EDARADD: variants seen among roughly 807,000 people sequenced by gnomAD.
EDARADD encodes ectodysplasin-A receptor-associated adapter protein.
EDARADD carries 20 observed loss-of-function variants against 25.6 expected under a neutral mutation model. The ratio of observed to expected loss-of-function variants is 0.78; its 90% CI spans 0.55 to 1.14. The LOEUF is 1.14. Ranked by LOEUF, EDARADD falls within the 50% of genes most tolerant of loss-of-function variation. The pLI, the probability that EDARADD is intolerant of heterozygous loss-of-function variation, is 0.00. For synonymous variants in EDARADD, 86 were observed against 94.4 expected (o/e 0.91, Z 0.52); for missense variants, 225 against 270.1 (o/e 0.83, Z 1.17).
chr1:236,466,509 C>T (rs1659194307), intron 4 of EDARADD, among the ~76,000 whole-genome samples: 1 of 151,828 alleles, frequency 6.6e-6, no homozygotes, highest in Admixed American at 6.6e-5. Context: ...GAAGGTAAAA[C>T]TTCAACTAAA....
chr1:236,463,651 G>A (rs1037617600), intron 4 of EDARADD, among the ~76,000 whole-genome samples: 2 of 152,126 alleles, frequency 1.3e-5, no homozygotes, highest in Non-Finnish European at 2.9e-5. Context: ...GGTGTTGTGC[G>A]ACCGTCACCA....
intron 3 of EDARADD, among the ~76,000 whole-genome samples, chr1:236,388,558 C>T (rs960699204): frequency 6.6e-6 from 1 of 152,168 alleles, no homozygotes. Flanking sequence ...TTATGTTTTT[C>T]ACTAAAGCTT....
chr1:236,392,796 A>T (rs1667443063), upstream of EDARADD, among the ~76,000 whole-genome samples: 1 of 151,986 alleles, frequency 6.6e-6, no homozygotes, highest in Non-Finnish European at 1.5e-5. Flanking sequence ...CAGCCTCCCA[A>T]GTAGCTGGGA....
chr1:236,372,791 T>G (rs1667186663), intron 3 of EDARADD, among the ~76,000 whole-genome samples: 1 of 152,208 alleles, frequency 6.6e-6, no homozygotes, highest in Non-Finnish European at 1.5e-5. Context: ...TTTGGTATAG[T>G]ATTTATTTAA....
At chr1:236,352,902 C>T (rs954713637) in intron 3 of EDARADD, among the ~76,000 whole-genome samples, 10 of 151,276 alleles carry the variant, frequency 6.6e-5, no homozygotes, top group East Asian at 1.9e-4. Flanking sequence ...GCCAGCTACT[C>T]GGGAGGCTGA....
intron 5 of EDARADD, among the ~76,000 whole-genome samples, chr1:236,478,845 C>T (rs965696911): frequency 6.6e-6 from 1 of 152,192 alleles, no homozygotes; most frequent in Non-Finnish European, 1.5e-5. Context: ...CTCGGCCTCC[C>T]AAAGTGCTGG....
intron 4 of EDARADD, among the ~76,000 whole-genome samples, chr1:236,432,794 A>G (rs1338101720): frequency 6.6e-6 from 1 of 152,124 alleles, no homozygotes. Flanking sequence ...CTAAGGCAGG[A>G]GAATTGCTTG....
intron 3 of EDARADD, among the ~76,000 whole-genome samples, chr1:236,426,271 C>T (rs1657916805): frequency 6.6e-6 from 1 of 152,234 alleles, no homozygotes; most frequent in African/African-American, 2.4e-5. Context: ...AGCCACCACT[C>T]CTGGCTATCA....
intron 1 of EDARADD, among the ~76,000 whole-genome samples, chr1:236,406,426 T>C (rs1375176119): frequency 1.3e-5 from 2 of 152,154 alleles, no homozygotes; most frequent in East Asian, 1.9e-4. Flanking sequence ...GTGAGCGTCA[T>C]AGAGTTCACT....
Position 236,482,553 on chromosome 1 carries a change from G to C in EDARADD, c.552G>C (p.Arg184Ser), listed in dbSNP as rs1275511967. 7 of 1,613,774 alleles carry C rather than the reference G, an allele frequency of 4.3e-6. No individual in the cohort carries two copies. The highest frequency in any genetic ancestry group is 5.9e-6 in the Non-Finnish European group (7 of 1,179,904). ...TGGGCCAGCTGATGGAGCTCTGCAG[G>C]CTCTACCACAGGGCCGACGTGGAGA... ...RTVGQLMELC[R>S]LYHRADVEKV... Residue 184 changes from arginine to serine, a missense_variant, in exon 6 of 6, where the codon AGG becomes AGC. Physicochemically the swap from Arg to Ser is moderately radical, Grantham distance 110. Coordinates refer to ENST00000334232, the MANE Select transcript of EDARADD (RefSeq NM_145861.4).
intron 3 of EDARADD, among the ~76,000 whole-genome samples, chr1:236,377,281 G>A (rs566056971): frequency 7.4e-4 from 112 of 150,698 alleles, no homozygotes; most frequent in African/African-American, 2.3e-3. Context: ...TCAGCCCCCC[G>A]AGTAGTTGGG....
intron 5 of EDARADD, among the ~76,000 whole-genome samples, chr1:236,478,688 G>C (rs1229343312): frequency 6.6e-6 from 1 of 152,088 alleles, no homozygotes; most frequent in Non-Finnish European, 1.5e-5. Context: ...CCGAGTTGAC[G>C]CCATTCTCCT....
intron 3 of EDARADD, among the ~76,000 whole-genome samples, chr1:236,361,085 C>T (rs1409934675): frequency 6.6e-6 from 1 of 152,116 alleles, no homozygotes; most frequent in Admixed American, 6.5e-5. Context: ...ACAGTTGACA[C>T]ACAACAAAGT....
At chr1:236,348,921 G>T (rs909085874) in exon 2 of EDARADD, 3 of 152,072 alleles carry the variant, frequency 2.0e-5, no homozygotes, top group Non-Finnish European at 2.9e-5. Flanking sequence ...CCAAGTGTTG[G>T]TTGCCTACAG....
At chr1:236,440,048 G>A (rs977857348) in intron 4 of EDARADD, among the ~76,000 whole-genome samples, 1 of 152,136 alleles carries the variant, frequency 6.6e-6, no homozygotes, top group African/African-American at 2.4e-5. Flanking sequence ...TAAATTTTGT[G>A]AGAGCTTAAG....
chr1:236,409,187 C>G, intron 1 of EDARADD, 29 bp from the exon 2 acceptor site: 1 of 1,584,978 alleles, frequency 6.3e-7, no homozygotes, highest in Non-Finnish European at 8.6e-7. Flanking sequence ...CAAACCCGCT[C>G]TATTTGTTTG....
At chr1:236,459,247 C>T (rs1658971167) in intron 4 of EDARADD, among the ~76,000 whole-genome samples, 1 of 152,098 alleles carries the variant, frequency 6.6e-6, no homozygotes, top group Admixed American at 6.5e-5. Flanking sequence ...ATATCCATAG[C>T]CCCGTGCTCT....
chr1:236,411,993 G>T lies in EDARADD; in HGVS notation c.121-2267G>T, dbSNP rs144720390. 8.0e-3 allele frequency among the ~76,000 whole-genome samples: 1,217 copies of T among 152,302 alleles called. 11 individuals are homozygous for T. Among genetic ancestry groups the T allele is most frequent in the Non-Finnish European group, 0.013 (877 of 68,008 alleles). ...TGGGGGTTAGGACTTCAACACATCT[G>T]GTTTGGGAGACAGAATTCAACCCAC... is the stretch of plus-strand genomic sequence containing the variant. On this transcript the variant is annotated intron_variant, in intron 2 of 5. Coordinates refer to ENST00000334232, the MANE Select transcript of EDARADD (RefSeq NM_145861.4).
At chr1:236,431,180 T>A (rs1383888102) in intron 4 of EDARADD, among the ~76,000 whole-genome samples, 1 of 152,220 alleles carries the variant, frequency 6.6e-6, no homozygotes, top group Non-Finnish European at 1.5e-5. Context: ...ATAATTATTA[T>A]CTGCCTTTTT....
Sources: gnomAD v4.1 joint callset for allele counts (sites outside exome capture counted in the v4.1 genomes callset) on GRCh38, gnomAD v4.1.1 for gene constraint, MANE v1.5 for transcripts, NCBI Gene and HGNC (gene_info 2026-07-23, HGNC 2026-07-21) for gene names.